The following OR2L13 variants were observed in gnomAD, a reference collection of about 807,000 sequenced individuals.
The protein encoded by OR2L13 is olfactory receptor family 2 subfamily L member 13.
OR2L13 carries 14 observed loss-of-function variants against 15.3 expected under a neutral mutation model. That is an observed-to-expected ratio of 0.91 (90% confidence interval 0.60 to 1.43). The LOEUF is 1.43. Ranked by LOEUF, OR2L13 falls within the 40% of genes most tolerant of loss-of-function variation. The pLI is 0.00. For missense variants in OR2L13, 367 were observed against 387.9 expected (o/e 0.95, Z 0.45); for synonymous variants, 152 against 142.9 (o/e 1.06, Z -0.45).
chr1:247,996,156 G>A, the OR2L13 span, among the ~76,000 whole-genome samples: 1 of 152,106 alleles, frequency 6.6e-6, no homozygotes, highest in Non-Finnish European at 1.5e-5. Flanking sequence ...TACTGTTTTG[G>A]TGTTTTGGTC....
chr1:248,014,913 A>G, the OR2L13 span, among the ~76,000 whole-genome samples: 1 of 152,180 alleles, frequency 6.6e-6, no homozygotes, highest in Non-Finnish European at 1.5e-5. Flanking sequence ...GAACTTACAC[A>G]GTGAAGCAGA....
chr1:248,082,214 T>C, the OR2L13 span, among the ~76,000 whole-genome samples: 1 of 145,554 alleles, frequency 6.9e-6, no homozygotes, highest in East Asian at 2.0e-4. Context: ...AAATTGGAAA[T>C]CATCATTCTC....
the OR2L13 span, chr1:248,022,371 CTGA>C: frequency 6.2e-7 from 1 of 1,614,168 alleles, no homozygotes; most frequent in East Asian, 2.2e-5. Context: ...AATGTATGTG[CTGA>C]TGATAACAGG....
At chr1:248,073,823 A>G in the OR2L13 span, among the ~76,000 whole-genome samples, 2 of 151,914 alleles carry the variant, frequency 1.3e-5, no homozygotes, top group Non-Finnish European at 2.9e-5. Context: ...TTATACACTT[A>G]AAAACCACAA....
At chr1:248,075,989 A>G in the OR2L13 span, among the ~76,000 whole-genome samples, 1 of 152,138 alleles carries the variant, frequency 6.6e-6, no homozygotes, top group Admixed American at 6.5e-5. Context: ...TAGGTCTAAC[A>G]TTTAAGTCTT....
the OR2L13 span, among the ~76,000 whole-genome samples, chr1:248,046,335 C>T: frequency 6.6e-5 from 10 of 152,094 alleles, no homozygotes; most frequent in African/African-American, 2.4e-4. Flanking sequence ...ATAAAATTAA[C>T]CTCATTCTAT....
chr1:247,991,887 T>G, the OR2L13 span, among the ~76,000 whole-genome samples: 5,480 of 149,510 alleles, frequency 0.037, 687 homozygotes, highest in African/African-American at 0.13. Flanking sequence ...GAAGAGCCCA[T>G]TCCTGAGAAA....
the OR2L13 span, among the ~76,000 whole-genome samples, chr1:248,086,160 T>C: frequency 6.6e-6 from 1 of 152,346 alleles, no homozygotes; most frequent in South Asian, 2.1e-4. Flanking sequence ...TTTTTTCATA[T>C]ATTCAGAAGC....
chr1:247,977,142 C>A, the OR2L13 span, among the ~76,000 whole-genome samples: 1 of 152,190 alleles, frequency 6.6e-6, no homozygotes, highest in Non-Finnish European at 1.5e-5. Context: ...GTGGCTTGGT[C>A]TTTTCCTCTT....
the OR2L13 span, chr1:248,063,459 T>C: frequency 9.1e-4 from 139 of 152,374 alleles, 1 homozygote; most frequent in Middle Eastern, 0.024. Context: ...TTGTGCTTTT[T>C]TGCAATGAGC....
At chr1:247,990,358 A>C in the OR2L13 span, 1 of 1,542,110 alleles carries the variant, frequency 6.5e-7, no homozygotes, top group South Asian at 1.1e-5. Context: ...ATTCTCATTA[A>C]TTTCGTTTTC....
the OR2L13 span, among the ~76,000 whole-genome samples, chr1:248,035,259 G>GCTA: frequency 6.6e-6 from 1 of 151,938 alleles, no homozygotes; most frequent in African/African-American, 2.4e-5. Flanking sequence ...GACCATCCTG[G>GCTA]CTAACACGGT....
At chr1:248,045,588 T>C in the OR2L13 span, among the ~76,000 whole-genome samples, 2 of 152,220 alleles carry the variant, frequency 1.3e-5, no homozygotes, top group African/African-American at 4.8e-5. Context: ...AGTTACCTGG[T>C]TGCACTAGAC....
chr1:248,026,605 C>G, the OR2L13 span, among the ~76,000 whole-genome samples: 1 of 152,054 alleles, frequency 6.6e-6, no homozygotes, highest in Non-Finnish European at 1.5e-5. Flanking sequence ...AAGTCAGGAC[C>G]CCGAATGGAG....
At chr1:248,076,990 G>C in the OR2L13 span, among the ~76,000 whole-genome samples, 49 of 152,264 alleles carry the variant, frequency 3.2e-4, no homozygotes, top group Admixed American at 1.6e-3. Flanking sequence ...GTCATAAATT[G>C]CTCTGATTAT....
At chr1:248,025,629 G>A in the OR2L13 span, among the ~76,000 whole-genome samples, 1 of 147,114 alleles carries the variant, frequency 6.8e-6, no homozygotes, top group African/African-American at 2.7e-5. Flanking sequence ...AAATCATGCT[G>A]CTATAAAGAC....
At chr1:247,949,638 C>T in the OR2L13 span, 12 of 1,613,956 alleles carry the variant, frequency 7.4e-6, no homozygotes, top group Non-Finnish European at 1.0e-5. Flanking sequence ...TTATCTACGT[C>T]CAAGATCCCT....
the OR2L13 span, chr1:248,041,656 C>T: frequency 1.3e-5 from 2 of 151,874 alleles, no homozygotes; most frequent in Non-Finnish European, 2.9e-5. Context: ...CTCAAACAAA[C>T]TTACAAGAAA....
At chr1:248,069,349 C>A in the OR2L13 span, among the ~76,000 whole-genome samples, 4 of 152,078 alleles carry the variant, frequency 2.6e-5, no homozygotes, top group Non-Finnish European at 5.9e-5. Context: ...AATTTTCCAC[C>A]CAGAATTTCA....
Sources: gnomAD v4.1 joint callset for allele counts (sites outside exome capture counted in the v4.1 genomes callset) on GRCh38, gnomAD v4.1.1 for gene constraint, MANE v1.5 for transcripts, NCBI Gene and HGNC (gene_info 2026-07-23, HGNC 2026-07-21) for gene names.